The following TBC1D10A variants were observed in gnomAD, a reference collection of about 807,000 sequenced individuals.
The protein encoded by TBC1D10A is TBC1 domain family member 10A, also known as EBP50-PDX interactor of 64 kDa.
In TBC1D10A, 24 loss-of-function variants were observed where a neutral mutation model predicts 52.9. That is an observed-to-expected ratio of 0.45 (90% confidence interval 0.33 to 0.64). The LOEUF is 0.64. TBC1D10A is among the 30% of genes least tolerant of loss of function. TBC1D10A has a pLI of 0.02. For synonymous variants in TBC1D10A, 278 were observed against 282.9 expected (o/e 0.98, Z 0.17); for missense variants, 602 against 687.9 (o/e 0.88, Z 1.40).
At chr22:30,326,546 AG>A (rs1278733934) in intron 1 of TBC1D10A, 126 bp downstream of exon 1, 1 of 711,510 alleles carries the variant, frequency 1.4e-6, no homozygotes, top group Non-Finnish European at 1.9e-6. Flanking sequence ...GGGGCAGGGG[AG>A]GGAACGGGGA....
chr22:30,295,590 A>T, intron 4 of TBC1D10A, 147 bp downstream of exon 4: 1 of 720,138 alleles, frequency 1.4e-6, no homozygotes, highest in African/African-American at 1.8e-5. Flanking sequence ...GAGAACACAC[A>T]TCAGACTCAA....
chr22:30,303,306 T>TAGATAGATAGAC (rs139722034), intron 2 of TBC1D10A, among the ~76,000 whole-genome samples: 6 of 148,916 alleles, frequency 4.0e-5, no homozygotes, highest in Non-Finnish European at 8.9e-5. Flanking sequence ...GATAGATAGA[T>TAGATAGATAGAC]AGACAGACAG....
intron 8 of TBC1D10A, 175 bp downstream of exon 8, chr22:30,293,476 G>T: frequency 1.0e-6 from 1 of 982,050 alleles, no homozygotes; most frequent in African/African-American, 1.6e-5. Flanking sequence ...GCCTCTCTGT[G>T]CCCCATGCTC....
At chr22:30,301,279 G>A (rs910033799) in intron 2 of TBC1D10A, among the ~76,000 whole-genome samples, 3 of 152,214 alleles carry the variant, frequency 2.0e-5, no homozygotes, top group African/African-American at 7.2e-5. Context: ...AAATGCTGTG[G>A]TGGGGGAGGG....
intron 8 of TBC1D10A, 21 bp from the exon 9 acceptor site, chr22:30,292,872 G>T: frequency 1.2e-6 from 2 of 1,609,160 alleles, no homozygotes; most frequent in Admixed American, 3.3e-5. Flanking sequence ...AGTGACACAG[G>T]CAAGTGGACA....
chr22:30,322,812 TC>T (rs1041872501), intron 1 of TBC1D10A, among the ~76,000 whole-genome samples: 111 of 151,624 alleles, frequency 7.3e-4, no homozygotes, highest in African/African-American at 2.6e-3. Context: ...GCCAGGCTGG[TC>T]TTGAACTCCT....
At chr22:30,302,905 C>T (rs1475575637) in intron 2 of TBC1D10A, among the ~76,000 whole-genome samples, 2 of 152,166 alleles carry the variant, frequency 1.3e-5, no homozygotes, top group Non-Finnish European at 2.9e-5. Flanking sequence ...ACAGTAAGAG[C>T]CAGAGGAATG....
intron 1 of TBC1D10A, among the ~76,000 whole-genome samples, chr22:30,310,238 C>T (rs1331078146): frequency 6.6e-6 from 1 of 152,200 alleles, no homozygotes; most frequent in Non-Finnish European, 1.5e-5. Flanking sequence ...TCTTATAGGG[C>T]TGCAATGAGG....
intron 1 of TBC1D10A, among the ~76,000 whole-genome samples, chr22:30,308,296 C>CCTGCCTGCCTGCA (rs879386326): frequency 0.032 from 2,482 of 76,500 alleles, 40 homozygotes; most frequent in Non-Finnish European, 0.038. Flanking sequence ...GCCTGCATGC[C>CCTGCCTGCCTGCA]TGCATGCCTG....
At chr22:30,316,467 T>TTTTTG (rs1930539849) in intron 1 of TBC1D10A, among the ~76,000 whole-genome samples, 2 of 151,126 alleles carry the variant, frequency 1.3e-5, no homozygotes, top group African/African-American at 4.9e-5. Context: ...TTTTGTTTTT[T>TTTTTG]TTTTTTTGAG....
intron 3 of TBC1D10A, 158 bp downstream of exon 3, chr22:30,299,286 G>T: frequency 2.9e-6 from 2 of 685,456 alleles, no homozygotes; most frequent in East Asian, 2.8e-5. Context: ...GGACTGGGCC[G>T]GTCTGGCCTG....
intron 8 of TBC1D10A, 183 bp downstream of exon 8, chr22:30,293,468 C>A: frequency 1.1e-6 from 1 of 949,364 alleles, no homozygotes. Context: ...AGAGCCAAGC[C>A]TCTCTGTGCC....
At chr22:30,304,758 C>T in intron 1 of TBC1D10A, 128 bp from the exon 2 acceptor site, 1 of 1,447,146 alleles carries the variant, frequency 6.9e-7, no homozygotes, top group Non-Finnish European at 9.1e-7. Flanking sequence ...CCCTTCAGGA[C>T]TGCTACCTCG....
chr22:30,298,251 A>C (rs1282480556), intron 3 of TBC1D10A: 1 of 152,254 alleles, frequency 6.6e-6, no homozygotes, highest in Non-Finnish European at 1.5e-5. Context: ...CACTTTGCCC[A>C]GGATGCGGCC....
intron 1 of TBC1D10A, among the ~76,000 whole-genome samples, chr22:30,314,908 C>A (rs1314136144): frequency 6.6e-6 from 1 of 152,154 alleles, no homozygotes; most frequent in Non-Finnish European, 1.5e-5. Flanking sequence ...AGACTCCTTC[C>A]CCAAGTGACT....
At position 30,298,936 on chromosome 22, in the gene TBC1D10A, C is replaced by T. The variant is rs190997994; in HGVS notation, c.417+508G>A. ...GCTCTGCTACTCCTAGGGCTGATGA[C>T]CCCACAAGACACACAGGTGGGCTGT... On this transcript the variant is annotated intron_variant, in intron 3 of 8. Coordinates refer to ENST00000215790, the MANE Select transcript of TBC1D10A (RefSeq NM_031937.3). 7.3e-4 allele frequency: 112 copies of T among 154,400 alleles called. 1 individual carries two copies. Among genetic ancestry groups the T allele is most frequent in the Admixed American group, 6.4e-3 (99 of 15,400 alleles). 9.6% of individuals were successfully genotyped at this position (154,400 alleles called of 1,614,324 possible).
At chr22:30,314,810 CAA>C (rs113564669) in intron 1 of TBC1D10A, among the ~76,000 whole-genome samples, 23 of 73,784 alleles carry the variant, frequency 3.1e-4, no homozygotes, top group East Asian at 4.2e-4. Flanking sequence ...GACCCTGACT[CAA>C]AAAAAAAAAA....
intron 2 of TBC1D10A, chr22:30,299,860 G>A (rs935913335): frequency 1.8e-5 from 4 of 227,582 alleles, no homozygotes; most frequent in Non-Finnish European, 2.6e-5. Context: ...CTAGCGACTC[G>A]GGAGGCTAAG....
intron 1 of TBC1D10A, among the ~76,000 whole-genome samples, chr22:30,312,574 C>A (rs1247052719): frequency 6.6e-6 from 1 of 152,174 alleles, no homozygotes; most frequent in Non-Finnish European, 1.5e-5. Context: ...ATAACAACAA[C>A]AACAACAAAA....
Sources: allele counts gnomAD v4.1 joint callset (sites outside exome capture counted in the v4.1 genomes callset), GRCh38; gene constraint gnomAD v4.1.1; transcripts MANE v1.5; gene names NCBI Gene and HGNC (gene_info 2026-07-23, HGNC 2026-07-21).